Variants in EYS observed in about 807,000 individuals in gnomAD.
The protein encoded by EYS is protein eyes shut homolog.
A neutral mutation model predicts 282.1 loss-of-function variants in EYS; 250 were observed. The observed-to-expected ratio is 0.89, with a 90% CI of 0.80 to 0.98. The LOEUF (loss-of-function observed/expected upper bound fraction) is 0.98. Among genes scored for constraint, EYS ranks in the 50% least tolerant of loss-of-function variants. The pLI, the probability that EYS is intolerant of heterozygous loss-of-function variation, is 0.00. For synonymous variants in EYS, 1,355 were observed against 1,282.9 expected, an observed-to-expected ratio of 1.06 and a Z score of -1.20; for missense variants, 4,016 against 3,709.0, an observed-to-expected ratio of 1.08 and a Z score of -2.15.
chr6:64,565,677 A>G (rs1765543318), intron 26 of EYS, among the ~76,000 whole-genome samples: 1 of 151,980 alleles, frequency 6.6e-6, no homozygotes, highest in African/African-American at 2.4e-5. Context: ...ATAAGTTCAA[A>G]AGATCTAATA....
At chr6:65,675,148 C>T (rs2149834883) in intron 1 of EYS, among the ~76,000 whole-genome samples, 1 of 151,242 alleles carries the variant, frequency 6.6e-6, no homozygotes, top group East Asian at 2.0e-4. Context: ...TAAACACTGA[C>T]AGTATAAAAG....
At chr6:64,037,318 G>C (rs1770169784) in intron 33 of EYS, among the ~76,000 whole-genome samples, 1 of 152,000 alleles carries the variant, frequency 6.6e-6, no homozygotes. Context: ...TAGCAATCTG[G>C]GCTTTGTATT....
chr6:65,016,253 C>CTA (rs1347193311), intron 13 of EYS, among the ~76,000 whole-genome samples: 1 of 151,608 alleles, frequency 6.6e-6, no homozygotes, highest in Non-Finnish European at 1.5e-5. Flanking sequence ...TTGCATCAAA[C>CTA]TAGTACGTTA....
chr6:63,827,811 T>C (rs1771513348), intron 36 of EYS, among the ~76,000 whole-genome samples: 1 of 133,566 alleles, frequency 7.5e-6, no homozygotes, highest in African/African-American at 2.9e-5. Context: ...GCCACTGCAG[T>C]CCACAGTCCG....
chr6:65,011,760 C>T (rs1367268844), intron 13 of EYS, among the ~76,000 whole-genome samples: 1 of 152,160 alleles, frequency 6.6e-6, no homozygotes, highest in Admixed American at 6.5e-5. Context: ...CACGACCAAT[C>T]AGATAGTAAG....
intron 35 of EYS, among the ~76,000 whole-genome samples, chr6:63,937,913 AC>A (rs1765121767): frequency 6.6e-6 from 1 of 152,194 alleles, no homozygotes; most frequent in African/African-American, 2.4e-5. Context: ...CTAAGACACC[AC>A]TTTCTGAATT....
At chr6:65,100,052 A>G (rs1043359035) in intron 12 of EYS, among the ~76,000 whole-genome samples, 1 of 150,878 alleles carries the variant, frequency 6.6e-6, no homozygotes. Context: ...TGATATAGAG[A>G]AGATACTTTA....
chr6:63,947,751 A>G (rs1765441560), intron 35 of EYS, among the ~76,000 whole-genome samples: 1 of 152,222 alleles, frequency 6.6e-6, no homozygotes, highest in Non-Finnish European at 1.5e-5. Context: ...CAATTAGAAA[A>G]AAAATGCCCC....
At chr6:65,014,944 A>G (rs1026527079) in intron 13 of EYS, among the ~76,000 whole-genome samples, 3 of 152,136 alleles carry the variant, frequency 2.0e-5, no homozygotes, top group African/African-American at 7.2e-5. Context: ...AAGGGCCTTT[A>G]TAAGAGAGAG....
intron 5 of EYS, among the ~76,000 whole-genome samples, chr6:65,408,139 C>T (rs149916885): frequency 1.1e-3 from 160 of 151,974 alleles, no homozygotes; most frequent in African/African-American, 3.4e-3. Context: ...GGGAAAAAAT[C>T]GTACTTTATC....
intron 31 of EYS, among the ~76,000 whole-genome samples, chr6:64,148,506 C>T (rs1774595589): frequency 6.6e-6 from 1 of 152,120 alleles, no homozygotes; most frequent in Non-Finnish European, 1.5e-5. Context: ...CAAATGTTGC[C>T]TAAATTCTAT....
chr6:63,907,988 ACACACACACACACACACACAAACG>A (rs1773817958), intron 35 of EYS, among the ~76,000 whole-genome samples: 1 of 41,184 alleles, frequency 2.4e-5, no homozygotes, highest in African/African-American at 1.3e-4. Flanking sequence ...GTATATATGT[ACACACACACACACACACACAAACG>A]TATATATATA....
rs184638878 is a variant in EYS, at chr6:65,617,850, G to A, written c.-333+21928C>T. On this transcript the variant is annotated intron_variant, in intron 2 of 42. Transcript: ENST00000503581. Reference sequence around the variant, plus strand: ...AGTTTGCTGAGAATGATGATTTCCAGCTTCATCCATGTCCCTACAAAGGAC... The same window carrying A: ...AGTTTGCTGAGAATGATGATTTCCAACTTCATCCATGTCCCTACAAAGGAC... Among the ~76,000 whole-genome samples the A allele has an allele frequency of 3.0e-4, 45 of 151,886 alleles. No individual in the cohort carries two copies. In the East Asian group the frequency reaches 4.9e-3, roughly 16 times the overall value.
chr6:65,086,886 C>T (rs747770128), intron 12 of EYS, among the ~76,000 whole-genome samples: 3 of 151,504 alleles, frequency 2.0e-5, no homozygotes, highest in African/African-American at 2.4e-5. Flanking sequence ...TGCAGTGGCA[C>T]GAACTCGGCT....
At chr6:64,486,549 C>G (rs948765832) in intron 26 of EYS, among the ~76,000 whole-genome samples, 6 of 151,378 alleles carry the variant, frequency 4.0e-5, no homozygotes, top group African/African-American at 1.5e-4. Flanking sequence ...ACAATTATTA[C>G]AGTTGATGAA....
intron 29 of EYS, among the ~76,000 whole-genome samples, chr6:64,308,253 G>A (rs1281039569): frequency 6.6e-6 from 1 of 151,940 alleles, no homozygotes; most frequent in Non-Finnish European, 1.5e-5. Context: ...ATAAGTTGGG[G>A]AAAAATGATA....
intron 2 of EYS, among the ~76,000 whole-genome samples, chr6:65,630,907 G>C (rs1364102145): frequency 6.6e-6 from 1 of 152,198 alleles, no homozygotes; most frequent in Non-Finnish European, 1.5e-5. Context: ...TTGTTTGGTA[G>C]TTAAGAACCA....
intron 8 of EYS, among the ~76,000 whole-genome samples, chr6:65,383,759 T>C (rs1473188636): frequency 6.6e-6 from 1 of 151,904 alleles, no homozygotes; most frequent in Non-Finnish European, 1.5e-5. Context: ...TATTAATACA[T>C]ATAGCTATTG....
intron 33 of EYS, among the ~76,000 whole-genome samples, chr6:64,037,519 G>A (rs1361619470): frequency 2.0e-5 from 3 of 152,158 alleles, no homozygotes; most frequent in African/African-American, 4.8e-5. Flanking sequence ...ACTTAAAAAT[G>A]TAAAATGTGA....
Sources: allele counts gnomAD v4.1 joint callset (sites outside exome capture counted in the v4.1 genomes callset), GRCh38; gene constraint gnomAD v4.1.1; transcripts MANE v1.5; gene names NCBI Gene and HGNC (gene_info 2026-07-23, HGNC 2026-07-21).